TRIM24: variants seen among roughly 807,000 people sequenced by gnomAD.
TRIM24 encodes the protein tripartite motif containing 24, also known as transcription intermediary factor 1-alpha.
A neutral mutation model predicts 123.9 loss-of-function variants in TRIM24; 29 were observed. The ratio of observed to expected loss-of-function variants is 0.23; its 90% CI spans 0.17 to 0.32. TRIM24 has a LOEUF of 0.32. Among genes scored for constraint, TRIM24 ranks in the 10% least tolerant of loss-of-function variants. TRIM24 has a pLI of 1.00. For synonymous variants in TRIM24, 456 were observed against 461.1 expected (o/e 0.99, Z 0.14); for missense variants, 932 against 1,295.3 (o/e 0.72, Z 4.31).
At chr7:138,462,892 G>A (rs1180156222) in intron 1 of TRIM24, among the ~76,000 whole-genome samples, 1 of 150,008 alleles carries the variant, frequency 6.7e-6, no homozygotes, top group East Asian at 2.0e-4. Flanking sequence ...TTTTTGAGAC[G>A]GAGTCTCGCT....
chr7:138,584,597 C>A (rs113222345), intron 18 of TRIM24, 145 bp from the exon 19 acceptor site: 54 of 567,170 alleles, frequency 9.5e-5, no homozygotes, highest in African/African-American at 8.0e-4. Context: ...TTTTAGCTGG[C>A]CTTCTGTACA....
Position 138,551,183 on chromosome 7 carries a change from G to A in TRIM24, c.1261+3G>A, listed in dbSNP as rs750779923. The A allele has an allele frequency of 6.2e-7, 1 of 1,603,122 alleles. No individual in the cohort carries two copies. Among genetic ancestry groups the A allele is most frequent in the Admixed American group, 1.7e-5 (1 of 59,974 alleles). Reference sequence around the variant, plus strand: ...GGCTCAAAATATCATCAACTTAGGTGGGCCATTACCATTACATACATTTCT... The same window carrying A: ...GGCTCAAAATATCATCAACTTAGGTAGGCCATTACCATTACATACATTTCT... On this transcript the variant is annotated splice_donor_region_variant and intron_variant, in intron 8 of 18. Coordinates refer to ENST00000343526, the MANE Select transcript of TRIM24 (RefSeq NM_015905.3).
chr7:138,476,389 C>A (rs982834189), intron 1 of TRIM24, among the ~76,000 whole-genome samples: 2 of 151,644 alleles, frequency 1.3e-5, no homozygotes, highest in Non-Finnish European at 2.9e-5. Context: ...GGTCAGGAGT[C>A]CGAGACCAGC....
At chr7:138,495,628 T>A (rs987630494) in intron 1 of TRIM24, among the ~76,000 whole-genome samples, 3 of 152,102 alleles carry the variant, frequency 2.0e-5, no homozygotes, top group Non-Finnish European at 4.4e-5. Flanking sequence ...ATCTTTTTTT[T>A]ATAGGGATGG....
chr7:138,489,908 G>A (rs902261817), intron 1 of TRIM24, among the ~76,000 whole-genome samples: 3 of 152,178 alleles, frequency 2.0e-5, no homozygotes, highest in African/African-American at 2.4e-5. Context: ...GCCTTGCTAG[G>A]TTGGAGAAGT....
chr7:138,584,464 GATCCT>G (rs1389152740), intron 18 of TRIM24, among the ~76,000 whole-genome samples: 1 of 152,160 alleles, frequency 6.6e-6, no homozygotes, highest in East Asian at 1.9e-4. Flanking sequence ...CCTGGTTCAT[GATCCT>G]ATGGTTATGG....
At chr7:138,548,545 T>TA (rs1797146583) in intron 7 of TRIM24, among the ~76,000 whole-genome samples, 3 of 152,186 alleles carry the variant, frequency 2.0e-5, no homozygotes, top group Middle Eastern at 6.3e-3. Context: ...CGTAGGACAT[T>TA]ACTGTACACT....
At chr7:138,514,426 C>T (rs1796353858) in intron 2 of TRIM24, 1 of 151,922 alleles carries the variant, frequency 6.6e-6, no homozygotes, top group African/African-American at 2.4e-5. Context: ...TCTGCTTAAT[C>T]TGGCCCCTGT....
chr7:138,577,240 A>AT (rs1210266049), intron 13 of TRIM24, among the ~76,000 whole-genome samples, 180 bp from the exon 14 acceptor site: 1 of 150,912 alleles, frequency 6.6e-6, no homozygotes, highest in African/African-American at 2.5e-5. Context: ...TATGTAAAAC[A>AT]TTTTTATCAT....
At chr7:138,560,998 A>G (rs940360354) in intron 9 of TRIM24, among the ~76,000 whole-genome samples, 1 of 152,198 alleles carries the variant, frequency 6.6e-6, no homozygotes, top group African/African-American at 2.4e-5. Context: ...TAAGAGCTGT[A>G]GGAGTTCTTC....
At position 138,554,659 on chromosome 7, in the gene TRIM24, C is replaced by A. The variant is rs758681919; in HGVS notation, c.1262-39C>A. 8.2e-6 allele frequency: 13 copies of A among 1,578,942 alleles called. 1 individual carries two copies. The South Asian group carries it at 1.5e-4, about 18-fold the overall frequency. On this transcript the variant is annotated intron_variant, in intron 8 of 18. Coordinates refer to ENST00000343526, the MANE Select transcript of TRIM24 (RefSeq NM_015905.3). The surrounding 1 kb of genome is among the most constrained non-coding windows in gnomAD (Gnocchi z 4.5). Reference sequence around the variant, plus strand: ...GAAAATGTGATATTTCACCAACTATCTGAAAAACTGTTTCCCTTAACCTTT... The same window carrying A: ...GAAAATGTGATATTTCACCAACTATATGAAAAACTGTTTCCCTTAACCTTT...
At chr7:138,540,582 C>G (rs916151438) in intron 7 of TRIM24, among the ~76,000 whole-genome samples, 2 of 152,184 alleles carry the variant, frequency 1.3e-5, no homozygotes, top group African/African-American at 4.8e-5. Context: ...TATTCCAGTT[C>G]TCTTGCTGTT....
At chr7:138,479,802 G>A (rs911048764) in intron 1 of TRIM24, among the ~76,000 whole-genome samples, 23 of 149,488 alleles carry the variant, frequency 1.5e-4, no homozygotes, top group Middle Eastern at 3.6e-3. Context: ...CACTGCGCCC[G>A]GCATTTATTT....
chr7:138,571,130 G>A, intron 11 of TRIM24, 127 bp downstream of exon 11: 1 of 924,938 alleles, frequency 1.1e-6, no homozygotes, highest in Non-Finnish European at 1.6e-6. Flanking sequence ...AGGAGTTCGA[G>A]ACTAGCCTGG....
Position 138,460,794 on chromosome 7 carries a change from G to T in TRIM24, c.246G>T (p.Leu82=), listed in dbSNP as rs765438385. 6.3e-7 allele frequency: 1 copy of T among 1,583,158 alleles called. No individual in the cohort carries two copies. Among genetic ancestry groups the T allele is most frequent in the Non-Finnish European group, 8.6e-7 (1 of 1,168,044 alleles). ...PCLHSFCQRC[L]PAPQRYLMLP... is the part of the protein sequence containing the mutation. ...TGCACTCTTTCTGCCAGCGCTGCCT[G>T]CCCGCGCCCCAGCGCTACCTCATGC... is the stretch of plus-strand genomic sequence containing the variant. Residue 82 remains leucine, a synonymous_variant, in exon 1 of 19, where the codon CTG becomes CTT. Transcript: ENST00000343526.
In TRIM24 at chr7:138,567,615, C is replaced by T. The variant is rs557873315; in HGVS notation, c.1665C>T (p.Pro555=). 2.5e-6 allele frequency: 4 copies of T among 1,613,134 alleles called. No homozygotes were observed. The highest frequency in any genetic ancestry group is 1.7e-4 in the Middle Eastern group (1 of 6,058). Residue 555 remains proline (P), a synonymous_variant, in exon 10 of 19, where the codon CCC becomes CCT. Coordinates refer to ENST00000343526, the MANE Select transcript of TRIM24 (RefSeq NM_015905.3). ...CACGACAAGCAATAAAGCCAAACCC[C>T]CTACAGATGGCTTTCTTGGCTCAAC... ...NIPRQAIKPN[P]LQMAFLAQQA...
intron 17 of TRIM24, among the ~76,000 whole-genome samples, chr7:138,582,604 C>T (rs1482246402): frequency 2.0e-5 from 3 of 150,298 alleles, no homozygotes; most frequent in Non-Finnish European, 4.4e-5. Context: ...CTGGAAAGGG[C>T]CTGGTACCCC....
At chr7:138,467,368 A>G (rs1455818414) in intron 1 of TRIM24, among the ~76,000 whole-genome samples, 2 of 151,744 alleles carry the variant, frequency 1.3e-5, no homozygotes, top group African/African-American at 2.4e-5. Flanking sequence ...TTTTGAGATG[A>G]GTCTTGCTCT....
chr7:138,574,150 T>C lies in TRIM24; in HGVS notation c.2014+508T>C, dbSNP rs1797711433. 2.0e-5 allele frequency among the ~76,000 whole-genome samples: 3 copies of C among 152,354 alleles called. No homozygotes were observed. The South Asian group carries it at 6.2e-4, about 32-fold the overall frequency. On this transcript the variant is annotated intron_variant, in intron 12 of 18. Coordinates refer to ENST00000343526, the MANE Select transcript of TRIM24 (RefSeq NM_015905.3). Reference sequence around the variant, plus strand: ...GGGGAAATTGGTGTTATATTCTTTCTTGTTGATAAGTTGCCTGTGATGTGG... The same window carrying C: ...GGGGAAATTGGTGTTATATTCTTTCCTGTTGATAAGTTGCCTGTGATGTGG...
Sources: allele counts gnomAD v4.1 joint callset (sites outside exome capture counted in the v4.1 genomes callset), GRCh38; gene constraint gnomAD v4.1.1; non-coding constraint Gnocchi (gnomAD v3.1); transcripts MANE v1.5; gene names NCBI Gene and HGNC (gene_info 2026-07-23, HGNC 2026-07-21).